KMT5B: variants seen among roughly 807,000 people sequenced by gnomAD.
KMT5B encodes the protein histone-lysine N-methyltransferase KMT5B.
Under a neutral mutation model 83.2 loss-of-function variants are expected in KMT5B, and 10 were observed. That is an observed-to-expected ratio of 0.12 (90% CI 0.07 to 0.20). The LOEUF (loss-of-function observed/expected upper bound fraction) is 0.20, where lower values mean the gene tolerates loss of function less well. Among genes scored for constraint, KMT5B ranks in the 10% least tolerant of loss-of-function variants. The probability of loss-of-function intolerance (pLI) is 1.00; values close to 1 mark genes in which losing one functional copy is unlikely to be tolerated. For missense variants in KMT5B, 753 were observed against 1,067.2 expected, an observed-to-expected ratio of 0.71 and a Z score of 4.10; for synonymous variants, 349 against 388.8, an observed-to-expected ratio of 0.90 and a Z score of 1.20.
chr11:68,158,446 C>T lies in KMT5B; in HGVS notation c.1900G>A (p.Asp634Asn), dbSNP rs144513563. 4.6e-5 allele frequency: 75 copies of T among 1,614,082 alleles called. No individual in the cohort carries two copies. In the African/African-American group the frequency reaches 5.5e-4, roughly 12 times the overall value. The change falls in exon 11 of 11, where the codon GAT becomes AAT. Residue 634 changes from aspartate to asparagine, a missense_variant. Physicochemically the swap from Asp to Asn is conservative, Grantham distance 23. Around this residue, in one of 9 missense-constraint regions of KMT5B, gnomAD observed 397 missense variants for 395.9 expected, o/e 1.00. Transcript: ENST00000304363. ...AKIEESTPVH[D>N]SPGKDDAVPD... Reference sequence around the variant, plus strand: ...ACCGCGTCGTCTTTTCCAGGAGAATCGTGCACTGGAGTAGATTCCTCTATT... The same window carrying T: ...ACCGCGTCGTCTTTTCCAGGAGAATTGTGCACTGGAGTAGATTCCTCTATT...
chr11:68,174,239 A>T, intron 5 of KMT5B: 1 of 405,578 alleles, frequency 2.5e-6, no homozygotes, highest in Non-Finnish European at 4.8e-6. Flanking sequence ...AAACAAAAAA[A>T]GTAAGATCAT....
intron 10 of KMT5B, among the ~76,000 whole-genome samples, chr11:68,160,229 A>C (rs1854736676): frequency 6.6e-6 from 1 of 152,206 alleles, no homozygotes; most frequent in Non-Finnish European, 1.5e-5. Flanking sequence ...GCTTCTCAAA[A>C]GGCTTCATTT....
intron 9 of KMT5B, among the ~76,000 whole-genome samples, chr11:68,169,582 G>A (rs1402836880): frequency 6.6e-6 from 1 of 152,186 alleles, no homozygotes; most frequent in East Asian, 1.9e-4. Context: ...AACAAATTTA[G>A]CCTTCACATC....
intron 1 of KMT5B, among the ~76,000 whole-genome samples, chr11:68,200,317 C>T (rs1859279615): frequency 6.6e-6 from 1 of 152,170 alleles, no homozygotes; most frequent in Admixed American, 6.5e-5. Context: ...CCAGGCATGA[C>T]AGGGACCACT....
chr11:68,173,564 C>A (rs1856051346), intron 6 of KMT5B, among the ~76,000 whole-genome samples: 1 of 152,136 alleles, frequency 6.6e-6, no homozygotes, highest in South Asian at 2.1e-4. Flanking sequence ...ACTGAACAGG[C>A]ATCCAGAGTC....
intron 3 of KMT5B, among the ~76,000 whole-genome samples, chr11:68,183,151 T>C (rs1476796557): frequency 6.6e-6 from 1 of 151,914 alleles, no homozygotes; most frequent in Non-Finnish European, 1.5e-5. Flanking sequence ...TGTGGTGACA[T>C]TCTGAATGCC....
chr11:68,159,225 A>G, intron 10 of KMT5B, 54 bp from the exon 11 acceptor site: 1 of 1,502,066 alleles, frequency 6.7e-7, no homozygotes, highest in Non-Finnish European at 8.8e-7. Context: ...AGAGTTCAAG[A>G]AAAGAATGCC....
chr11:68,175,096 T>C lies in KMT5B; in HGVS notation c.465A>G (p.Lys155=), dbSNP rs1181600453. The change falls in exon 5 of 11, where the codon AAA becomes AAG. Residue 155 remains lysine, a synonymous_variant. Coordinates refer to ENST00000304363, the MANE Select transcript of KMT5B (RefSeq NM_017635.5). ...GTGCCCATTCGCCTGAAGTCAAACA[T>C]TTGAAGGCTTTCTCCAAGTGTTCAT... ...KKDEHLEKAF[K]CLTSGEWARH... 3 of 1,614,022 alleles carry C rather than the reference T, an allele frequency of 1.9e-6. No homozygotes were observed. In the Admixed American group the frequency reaches 5.0e-5, roughly 27 times the overall value.
intron 9 of KMT5B, among the ~76,000 whole-genome samples, chr11:68,169,128 T>G (rs1203253008): frequency 2.0e-5 from 3 of 152,220 alleles, no homozygotes; most frequent in Non-Finnish European, 4.4e-5. Flanking sequence ...TAAAAAGGAC[T>G]TACACACGTT....
At chr11:68,188,814 A>G (rs1857717230) in intron 2 of KMT5B, among the ~76,000 whole-genome samples, 1 of 152,160 alleles carries the variant, frequency 6.6e-6, no homozygotes, top group African/African-American at 2.4e-5. Flanking sequence ...TGATCACTAT[A>G]TTTCTCAATT....
Position 68,157,714 on chromosome 11 carries a change from C to T in KMT5B, c.2632G>A (p.Asp878Asn), listed in dbSNP as rs1189727180. The change falls in exon 11 of 11, where the codon GAT becomes AAT. Residue 878 changes from aspartate (D) to asparagine (N), a missense_variant. Around this residue, in one of 9 missense-constraint regions of KMT5B, gnomAD observed 161 missense variants for 195.1 expected, o/e 0.83. Transcript: ENST00000304363. ...DIDISSRRRE[D>N]QSLRLNA ...TAGGCATTAAGCCTTAAAGACTGAT[C>T]TTCTCTTCTCCTTGAAGAAATGTCA... The T allele has an allele frequency of 4.4e-6, 7 of 1,593,652 alleles. No homozygotes were observed.
intron 4 of KMT5B, among the ~76,000 whole-genome samples, chr11:68,178,579 CTG>C (rs1856603675): frequency 6.6e-6 from 1 of 152,138 alleles, no homozygotes; most frequent in African/African-American, 2.4e-5. Flanking sequence ...TCACAGTTGG[CTG>C]CTATGGGCAT....
At chr11:68,189,830 A>G in intron 2 of KMT5B, 87 bp downstream of exon 2, 2 of 1,332,754 alleles carry the variant, frequency 1.5e-6, no homozygotes, top group South Asian at 1.7e-5. Context: ...ATTTAAGACA[A>G]AAGAAAACAG....
At chr11:68,199,307 A>C (rs1342513866) in intron 1 of KMT5B, among the ~76,000 whole-genome samples, 2 of 152,178 alleles carry the variant, frequency 1.3e-5, no homozygotes, top group African/African-American at 4.8e-5. Flanking sequence ...TGGGGGGAAT[A>C]AGCCATTTAT....
intron 4 of KMT5B, chr11:68,179,413 AATTG>A (rs1465559242): frequency 6.3e-6 from 8 of 1,268,660 alleles, no homozygotes; most frequent in Non-Finnish European, 8.3e-6. Flanking sequence ...TGTCATTTAC[AATTG>A]ATTATTATTA....
In KMT5B at chr11:68,171,727, T is replaced by A; in HGVS notation, c.654-18A>T. The A allele has an allele frequency of 6.3e-7, 1 of 1,588,224 alleles. No individual in the cohort carries two copies. The highest frequency in any genetic ancestry group is 8.6e-7 in the Non-Finnish European group (1 of 1,161,180). ...TTCGTTTCCTATTTAAAATATGTGA[T>A]GTGTTAAAAATTACTAGTAATTAAA... is the stretch of plus-strand genomic sequence containing the variant. On this transcript the variant is annotated intron_variant, in intron 6 of 10. Transcript: ENST00000304363. This position sits in a 1 kb window ranked among gnomAD's most constrained non-coding sequence, Gnocchi z 5.1.
intron 10 of KMT5B, among the ~76,000 whole-genome samples, chr11:68,164,203 G>T (rs1855107455): frequency 1.3e-5 from 2 of 152,110 alleles, no homozygotes; most frequent in African/African-American, 4.8e-5. Flanking sequence ...AGCTCTCAAG[G>T]TACTTTCCGA....
chr11:68,167,629 A>AT (rs973622260), intron 9 of KMT5B, among the ~76,000 whole-genome samples: 22 of 150,876 alleles, frequency 1.5e-4, no homozygotes, highest in East Asian at 5.8e-4. Context: ...TAATTTTTAA[A>AT]TTTTTTTTTG....
At chr11:68,198,973 C>T (rs919878955) in intron 1 of KMT5B, among the ~76,000 whole-genome samples, 2 of 152,238 alleles carry the variant, frequency 1.3e-5, no homozygotes, top group African/African-American at 2.4e-5. Context: ...TTGTGATCTG[C>T]CCGCCTTGGC....
Sources: allele counts gnomAD v4.1 joint callset (sites outside exome capture counted in the v4.1 genomes callset), GRCh38; gene constraint gnomAD v4.1.1; regional missense constraint gnomAD v4.1.1; non-coding constraint Gnocchi (gnomAD v3.1); transcripts MANE v1.5; gene names NCBI Gene and HGNC (gene_info 2026-07-23, HGNC 2026-07-21).